Variants in CCDC178 observed in about 807,000 individuals in gnomAD.
The protein encoded by CCDC178 is coiled-coil domain containing 178.
A neutral mutation model predicts 117.4 loss-of-function variants in CCDC178; 126 were observed. The ratio of observed to expected loss-of-function variants is 1.07; its 90% CI spans 0.93 to 1.24. The LOEUF is 1.24. Among genes scored for constraint, CCDC178 ranks in the 50% most tolerant of loss-of-function variants. The probability of loss-of-function intolerance (pLI) is 0.00; values close to 1 mark genes in which losing one functional copy is unlikely to be tolerated. For missense variants in CCDC178, 1,030 were observed against 986.9 expected (o/e 1.04, Z -0.59); for synonymous variants, 283 against 313.4 (o/e 0.90, Z 1.02).
chr18:33,417,737 A>C (rs143141499), intron 2 of CCDC178, among the ~76,000 whole-genome samples: 296 of 152,264 alleles, frequency 1.9e-3, no homozygotes, highest in African/African-American at 6.8e-3. Flanking sequence ...TTTCTAAGCA[A>C]TTTCCTATAA....
intron 22 of CCDC178, among the ~76,000 whole-genome samples, chr18:32,962,979 A>T (rs889124539): frequency 2.0e-5 from 3 of 152,046 alleles, no homozygotes; most frequent in Non-Finnish European, 4.4e-5. Context: ...ACCCTAAATT[A>T]GCCTGATATT....
intron 20 of CCDC178, among the ~76,000 whole-genome samples, chr18:33,113,446 T>C (rs909820872): frequency 2.6e-5 from 4 of 151,966 alleles, no homozygotes; most frequent in African/African-American, 9.7e-5. Context: ...TTGGAATCAA[T>C]AAAATAATTT....
intron 10 of CCDC178, among the ~76,000 whole-genome samples, chr18:33,329,870 T>TA (rs1288131702): frequency 8.6e-6 from 1 of 116,588 alleles, no homozygotes; most frequent in Non-Finnish European, 1.8e-5. Context: ...GTTGGAGAAT[T>TA]ATTAGAGTGT....
chr18:33,266,854 G>T (rs1316365636), intron 14 of CCDC178, 62 bp downstream of exon 14: 1 of 1,371,818 alleles, frequency 7.3e-7, no homozygotes, highest in Non-Finnish European at 9.8e-7. Flanking sequence ...AAACTGGAGA[G>T]GTTTATTGTA....
chr18:33,084,524 GATTAACGGCCGAGCA>G (rs2057346966), intron 21 of CCDC178, among the ~76,000 whole-genome samples: 1 of 151,978 alleles, frequency 6.6e-6, no homozygotes, highest in African/African-American at 2.4e-5. Context: ...ATAAGATTCG[GATTAACGGCCGAGCA>G]CAGTGGCTCA....
At chr18:33,145,331 A>G (rs2058254616) in intron 20 of CCDC178, among the ~76,000 whole-genome samples, 1 of 152,210 alleles carries the variant, frequency 6.6e-6, no homozygotes, top group African/African-American at 2.4e-5. Flanking sequence ...TTTTAAAAAG[A>G]GTTTGAATTT....
intron 21 of CCDC178, among the ~76,000 whole-genome samples, chr18:33,061,766 A>G (rs921623665): frequency 1.3e-5 from 2 of 152,198 alleles, no homozygotes; most frequent in African/African-American, 4.8e-5. Flanking sequence ...TATAAATGAT[A>G]GATTTATCAA....
intron 11 of CCDC178, among the ~76,000 whole-genome samples, chr18:33,307,295 T>G (rs978662304): frequency 6.6e-6 from 1 of 152,150 alleles, no homozygotes; most frequent in Non-Finnish European, 1.5e-5. Context: ...ATATGGACAA[T>G]GAAGTCCAGG....
At chr18:33,127,023 C>T (rs1200498399) in intron 20 of CCDC178, among the ~76,000 whole-genome samples, 1,622 of 139,328 alleles carry the variant, frequency 0.012, 33 homozygotes, top group African/African-American at 0.046. Flanking sequence ...TATACACACA[C>T]ACACACACAC....
chr18:33,255,871 A>C (rs2059673228), intron 14 of CCDC178, among the ~76,000 whole-genome samples: 1 of 151,954 alleles, frequency 6.6e-6, no homozygotes, highest in Non-Finnish European at 1.5e-5. Context: ...ACAGAATTAA[A>C]GGAAGAACCT....
intron 6 of CCDC178, among the ~76,000 whole-genome samples, chr18:33,365,582 T>C (rs1053934524): frequency 6.6e-6 from 1 of 152,138 alleles, no homozygotes; most frequent in Non-Finnish European, 1.5e-5. Context: ...AAGTCTATAT[T>C]TGGTAATCAT....
intron 2 of CCDC178, among the ~76,000 whole-genome samples, chr18:33,420,506 C>T (rs1180954532): frequency 1.3e-5 from 2 of 152,056 alleles, no homozygotes; most frequent in Non-Finnish European, 2.9e-5. Flanking sequence ...GCCATGCACC[C>T]CAACACTCGG....
chr18:32,950,894 C>T (rs1173359472), intron 22 of CCDC178, among the ~76,000 whole-genome samples: 1 of 152,190 alleles, frequency 6.6e-6, no homozygotes, highest in Non-Finnish European at 1.5e-5. Flanking sequence ...TATGTTACAG[C>T]TGAATACCTT....
intron 11 of CCDC178, among the ~76,000 whole-genome samples, chr18:33,321,314 TG>T (rs2062505618): frequency 1.3e-5 from 2 of 152,058 alleles, no homozygotes; most frequent in Admixed American, 6.6e-5. Flanking sequence ...ACCTACAGAA[TG>T]GGAGAAAATT....
chr18:33,381,181 T>C (rs1418242127), intron 5 of CCDC178, among the ~76,000 whole-genome samples: 1 of 152,144 alleles, frequency 6.6e-6, no homozygotes, highest in East Asian at 1.9e-4. Flanking sequence ...TGATCTTAAT[T>C]AGATCAGGAC....
chr18:33,202,782 C>A (rs146962678), intron 20 of CCDC178, among the ~76,000 whole-genome samples: 1 of 152,268 alleles, frequency 6.6e-6, no homozygotes, highest in Non-Finnish European at 1.5e-5. Context: ...TTTCATGTCT[C>A]CCCCTGCAAA....
At chr18:32,955,622 T>TAC (rs1465418345) in intron 22 of CCDC178, among the ~76,000 whole-genome samples, 1 of 152,052 alleles carries the variant, frequency 6.6e-6, no homozygotes, top group Non-Finnish European at 1.5e-5. Context: ...AAGTTTCTAT[T>TAC]ACACACACAC....
intron 20 of CCDC178, among the ~76,000 whole-genome samples, chr18:33,095,455 A>T (rs968080453): frequency 6.6e-6 from 1 of 151,902 alleles, no homozygotes; most frequent in African/African-American, 2.4e-5. Context: ...CCAATATTTT[A>T]TTATAAAATA....
chr18:33,308,726 C>T (rs1170575965), intron 11 of CCDC178, among the ~76,000 whole-genome samples: 1 of 152,098 alleles, frequency 6.6e-6, no homozygotes, highest in African/African-American at 2.4e-5. Context: ...GGCAGTTCCC[C>T]CATACTATTC....
Sources: allele counts gnomAD v4.1 joint callset (sites outside exome capture counted in the v4.1 genomes callset), GRCh38; gene constraint gnomAD v4.1.1; transcripts MANE v1.5; gene names NCBI Gene and HGNC (gene_info 2026-07-23, HGNC 2026-07-21).